ITGA11: variants seen among roughly 807,000 people sequenced by gnomAD.
ITGA11 encodes the protein integrin subunit alpha 11.
ITGA11 carries 97 observed loss-of-function variants against 141.9 expected under a neutral mutation model. The observed-to-expected ratio is 0.68, with a 90% CI of 0.58 to 0.81. ITGA11 has a LOEUF of 0.81. Ranked by LOEUF, ITGA11 falls within the 30% of genes least tolerant of loss-of-function variation. ITGA11 has a pLI of 0.00. For missense variants in ITGA11, 1,387 were observed against 1,559.2 expected (o/e 0.89, Z 1.86); for synonymous variants, 658 against 624.6 (o/e 1.05, Z -0.80).
chr15:68,361,299 C>T (rs1283461780), intron 5 of ITGA11, among the ~76,000 whole-genome samples: 2 of 152,230 alleles, frequency 1.3e-5, no homozygotes, highest in Admixed American at 6.5e-5. Flanking sequence ...GCCAGGTAAC[C>T]TCCTATATAC....
At chr15:68,379,036 T>G (rs1053294034) in intron 2 of ITGA11, among the ~76,000 whole-genome samples, 21 of 152,218 alleles carry the variant, frequency 1.4e-4, no homozygotes, top group African/African-American at 5.1e-4. Context: ...CCACTGACTA[T>G]GCGGAATAAA....
chr15:68,317,277 C>A lies in ITGA11; in HGVS notation c.2703G>T (p.Arg901=), dbSNP rs764292180. 6.2e-7 allele frequency: 1 copy of A among 1,613,342 alleles called. No homozygotes were observed. ...QVCNVSYPFF[R]AKAKVAFRLD... is the part of the protein sequence containing the mutation. The stretch of plus-strand genomic sequence containing the variant: ...CCCCAGTCTCAACCTTGGCCTTGGC[C>A]CGGAAGAAGGGATAGCTGACGTTGC... Residue 901 remains arginine, a synonymous_variant, in exon 21 of 30, where the codon CGG becomes CGT. Transcript: ENST00000315757.
In ITGA11 at chr15:68,299,757, A is replaced by T. The variant is rs186808562; in HGVS notation, c.*3302T>A. On this transcript the variant is annotated 3_prime_UTR_variant, in exon 30 of 30. Coordinates refer to ENST00000315757, the MANE Select transcript of ITGA11 (RefSeq NM_001004439.2). ...GTATTGATGCTAAAACCTTTTGAATACTGACGGAGGTAGGAATTTATCTTG... is the reference window on the plus strand; with the variant it reads ...GTATTGATGCTAAAACCTTTTGAATTCTGACGGAGGTAGGAATTTATCTTG... The T allele has an allele frequency of 6.6e-6, 1 of 152,326 alleles. No homozygotes were observed. The highest frequency in any genetic ancestry group is 1.9e-4 in the East Asian group (1 of 5,184). 9.4% of individuals were successfully genotyped at this position (152,326 alleles called of 1,614,324 possible).
At chr15:68,361,788 C>A in intron 4 of ITGA11, 84 bp from the exon 5 acceptor site, 2 of 874,742 alleles carry the variant, frequency 2.3e-6, no homozygotes, top group Non-Finnish European at 1.8e-6. Flanking sequence ...CACTCCCATC[C>A]TCCACGACCC....
chr15:68,297,304 CT>C lies in ITGA11; in HGVS notation c.*5754del, dbSNP rs1365299215. The C allele has an allele frequency of 6.6e-6, 1 of 151,702 alleles. No individual in the cohort carries two copies. The highest frequency in any genetic ancestry group is 1.5e-5 in the Non-Finnish European group (1 of 67,958). The allele number at this position is 151,702 out of a possible 1,614,324, so 9.4% of individuals were successfully genotyped here. On this transcript the variant is annotated 3_prime_UTR_variant, in exon 30 of 30. Transcript: ENST00000315757. ...TAAGTGGGGAGGTGGGAGTGGCTAA[CT>C]TTTTTCATTATTACGTGTTTATTTT...
At chr15:68,400,575 AAT>A (rs1173336612) in intron 2 of ITGA11, among the ~76,000 whole-genome samples, 1 of 107,506 alleles carries the variant, frequency 9.3e-6, no homozygotes, top group East Asian at 2.2e-4. Flanking sequence ...ATATATACAG[AAT>A]ATATATATTT....
intron 10 of ITGA11, among the ~76,000 whole-genome samples, chr15:68,343,269 G>A (rs559729768): frequency 2.0e-5 from 3 of 152,248 alleles, no homozygotes; most frequent in African/African-American, 7.2e-5. Context: ...GTCAGGGACC[G>A]GTTATTTTGG....
chr15:68,328,374 G>T lies in ITGA11; in HGVS notation c.1902-112C>A. On this transcript the variant is annotated intron_variant, in intron 15 of 29. Transcript: ENST00000315757. This position sits in a 1 kb window ranked among gnomAD's most constrained non-coding sequence, Gnocchi z 4.8. The stretch of plus-strand genomic sequence containing the variant: ...GAGTGGGATCTGCAAAGCCACTGGA[G>T]GGGGTGAGGTGGAGGATGGAGGGGG... 2.1e-6 allele frequency: 2 copies of T among 945,498 alleles called. No homozygotes were observed. The highest frequency in any genetic ancestry group is 3.2e-5 in the South Asian group (2 of 62,984). The allele number at this position is 945,498 out of a possible 1,614,324, so 58.6% of individuals were successfully genotyped here. A position where few individuals can be genotyped will look rare whatever the true frequency, so the allele number is the denominator to read the frequency against.
At chr15:68,306,063 G>A (rs1295294254) in intron 28 of ITGA11, among the ~76,000 whole-genome samples, 4 of 150,952 alleles carry the variant, frequency 2.6e-5, no homozygotes, top group South Asian at 2.1e-4. Flanking sequence ...AGTGGCGGGC[G>A]CCTGTAATAC....
Position 68,328,280 on chromosome 15 carries a change from G to C in ITGA11, c.1902-18C>G. 1.2e-6 allele frequency: 2 copies of C among 1,608,996 alleles called. No homozygotes were observed. The highest frequency in any genetic ancestry group is 1.7e-6 in the Non-Finnish European group (2 of 1,176,722). On this transcript the variant is annotated intron_variant, in intron 15 of 29. Coordinates refer to ENST00000315757, the MANE Select transcript of ITGA11 (RefSeq NM_001004439.2). This position sits in a 1 kb window ranked among gnomAD's most constrained non-coding sequence, Gnocchi z 4.8. ...GGCGGGACCTGGAGGAGAAGGGCCA[G>C]TGAGCTGGGGTGGGGCAGGGGCTCA...
rs1893029848 is a variant in ITGA11 at position 68,301,717 on chromosome 15, C to T, written c.*1342G>A. 6.6e-6 allele frequency: 1 copy of T among 152,604 alleles called. No individual in the cohort carries two copies. The highest frequency in any genetic ancestry group is 6.5e-5 in the Admixed American group (1 of 15,280). 9.5% of individuals were successfully genotyped at this position (152,604 alleles called of 1,614,324 possible). ...GTCAGTGCTTGGTTGTTTTTAAACACTGTATTTTTAATTTTTCAAAAATAC... is the reference window on the plus strand; with the variant it reads ...GTCAGTGCTTGGTTGTTTTTAAACATTGTATTTTTAATTTTTCAAAAATAC... On this transcript the variant is annotated 3_prime_UTR_variant, in exon 30 of 30. Coordinates refer to ENST00000315757, the MANE Select transcript of ITGA11 (RefSeq NM_001004439.2). The surrounding 1 kb of genome is among the most constrained non-coding windows in gnomAD (Gnocchi z 4.4).
chr15:68,347,108 T>G (rs1314841946), intron 10 of ITGA11, among the ~76,000 whole-genome samples: 1 of 152,236 alleles, frequency 6.6e-6, no homozygotes, highest in Non-Finnish European at 1.5e-5. Context: ...TTGCATTTCC[T>G]TGTTGCGTTT....
rs1464221386 is a variant in ITGA11 at position 68,333,476 on chromosome 15, C to T, written c.1426-998G>A. Reference sequence around the variant, plus strand: ...ATTTCTTTCAGTGTCTGAGCACTTGCTGTGTTCCCCTTCTGTTTGGGGTAC... The same window carrying T: ...ATTTCTTTCAGTGTCTGAGCACTTGTTGTGTTCCCCTTCTGTTTGGGGTAC... On this transcript the variant is annotated intron_variant, in intron 12 of 29. Transcript: ENST00000315757. This position sits in a 1 kb window ranked among gnomAD's most constrained non-coding sequence, Gnocchi z 4.2. Among the ~76,000 whole-genome samples, 1 of 152,200 alleles carries T rather than the reference C, an allele frequency of 6.6e-6. No homozygotes were observed. Among genetic ancestry groups the T allele is most frequent in the Non-Finnish European group, 1.5e-5 (1 of 68,032 alleles).
chr15:68,424,056 C>A (rs963922374), intron 1 of ITGA11, among the ~76,000 whole-genome samples: 4 of 152,238 alleles, frequency 2.6e-5, no homozygotes, highest in Non-Finnish European at 4.4e-5. Flanking sequence ...TCAGCCAAAT[C>A]AATTTATCTA....
chr15:68,346,860 T>G (rs1293821869), intron 10 of ITGA11, among the ~76,000 whole-genome samples: 1 of 152,132 alleles, frequency 6.6e-6, no homozygotes, highest in Non-Finnish European at 1.5e-5. Flanking sequence ...CATGTGCATG[T>G]CTCCCCCTAT....
At chr15:68,380,562 A>T (rs567134193) in intron 2 of ITGA11, among the ~76,000 whole-genome samples, 1 of 152,314 alleles carries the variant, frequency 6.6e-6, no homozygotes, top group East Asian at 1.9e-4. Context: ...GTGGCAGGGC[A>T]CAGAGGAAGG....
intron 3 of ITGA11, chr15:68,365,200 C>T: frequency 1.0e-6 from 1 of 985,408 alleles, no homozygotes; most frequent in Non-Finnish European, 1.2e-6. Flanking sequence ...CAAGTTGACC[C>T]CCATCCACAC....
chr15:68,402,890 C>G (rs1896543303), intron 2 of ITGA11, 28 bp downstream of exon 2: 1 of 1,493,174 alleles, frequency 6.7e-7, no homozygotes. Context: ...TGGTACAGGG[C>G]TGGGTGTGGG....
chr15:68,325,476 GT>G lies in ITGA11; in HGVS notation c.2212-236del, dbSNP rs1893945385. ...CTCATGCCAACCTAGCTGCCTGGCT[GT>G]TTTGCCAAGCTCCTGCACATCCTTC... On this transcript the variant is annotated intron_variant, in intron 17 of 29. Coordinates refer to ENST00000315757, the MANE Select transcript of ITGA11 (RefSeq NM_001004439.2). The surrounding 1 kb of genome is among the most constrained non-coding windows in gnomAD (Gnocchi z 5.5). Among the ~76,000 whole-genome samples the G allele has an allele frequency of 6.6e-6, 1 of 152,172 alleles. No homozygotes were observed. Among genetic ancestry groups the G allele is most frequent in the Non-Finnish European group, 1.5e-5 (1 of 68,034 alleles).
Sources: allele counts gnomAD v4.1 joint callset (sites outside exome capture counted in the v4.1 genomes callset), GRCh38; gene constraint gnomAD v4.1.1; non-coding constraint Gnocchi (gnomAD v3.1); transcripts MANE v1.5; gene names NCBI Gene and HGNC (gene_info 2026-07-23, HGNC 2026-07-21).